SPIRE1: variants seen among roughly 807,000 people sequenced by gnomAD.
The protein encoded by SPIRE1 is protein spire homolog 1.
A neutral mutation model predicts 94.1 loss-of-function variants in SPIRE1; 40 were observed. The observed-to-expected ratio is 0.43, with a 90% CI of 0.33 to 0.55. SPIRE1 has a LOEUF of 0.55. Ranked by LOEUF, SPIRE1 falls within the 20% of genes least tolerant of loss-of-function variation. The pLI, the probability that SPIRE1 is intolerant of heterozygous loss-of-function variation, is 0.06. For synonymous variants in SPIRE1, 376 were observed against 371.7 expected (o/e 1.01, Z -0.13); for missense variants, 838 against 975.2 (o/e 0.86, Z 1.87).
At chr18:12,615,466 G>A (rs1309011655) in intron 2 of SPIRE1, among the ~76,000 whole-genome samples, 2 of 138,280 alleles carry the variant, frequency 1.4e-5, no homozygotes, top group East Asian at 2.2e-4. Context: ...CTTGAACCAG[G>A]GAGGTGGAGG....
intron 2 of SPIRE1, among the ~76,000 whole-genome samples, chr18:12,551,799 C>T (rs1205740382): frequency 1.3e-5 from 2 of 151,906 alleles, no homozygotes; most frequent in Non-Finnish European, 2.9e-5. Flanking sequence ...CCAAATTTAA[C>T]AACTATCACA....
At chr18:12,489,273 C>CA (rs1025492425) in intron 8 of SPIRE1, among the ~76,000 whole-genome samples, 9 of 152,140 alleles carry the variant, frequency 5.9e-5, no homozygotes, top group African/African-American at 2.2e-4. Flanking sequence ...ACTCACCATT[C>CA]AAAAAACCGT....
At chr18:12,630,682 T>C (rs2052597416) in intron 2 of SPIRE1, among the ~76,000 whole-genome samples, 1 of 152,038 alleles carries the variant, frequency 6.6e-6, no homozygotes, top group South Asian at 2.1e-4. Flanking sequence ...TTTTTGCAGC[T>C]ATCCACCCTC....
At chr18:12,463,626 G>GGAGA in intron 11 of SPIRE1, 133 bp from the exon 12 acceptor site, 1 of 732,064 alleles carries the variant, frequency 1.4e-6, no homozygotes, top group Non-Finnish European at 2.1e-6. Flanking sequence ...AGATGGTAAT[G>GGAGA]GTAATCCTTA....
intron 12 of SPIRE1, among the ~76,000 whole-genome samples, chr18:12,459,165 C>T (rs543826273): frequency 2.0e-5 from 3 of 152,142 alleles, no homozygotes; most frequent in Non-Finnish European, 4.4e-5. Flanking sequence ...TAATATAATG[C>T]AGAATTATTT....
rs369677829 is a variant in SPIRE1, at chr18:12,464,996, C to T, written c.1405-38G>A. 18 of 1,562,556 alleles carry T rather than the reference C, an allele frequency of 1.2e-5. No homozygotes were observed. The African/African-American group carries it at 1.4e-4, about 12-fold the overall frequency. On this transcript the variant is annotated intron_variant, in intron 10 of 16. Transcript: ENST00000409402. ...CAGGTGGAGAAATCGACTTCTTAGA[C>T]ATTTGTGCTCTAGTGCTACGTAATA...
intron 4 of SPIRE1, among the ~76,000 whole-genome samples, chr18:12,535,009 A>G (rs983684094): frequency 3.3e-5 from 5 of 152,222 alleles, no homozygotes; most frequent in Non-Finnish European, 7.3e-5. Flanking sequence ...AATCTTCACA[A>G]CCACCTATGT....
chr18:12,598,375 G>C (rs1384449616), intron 2 of SPIRE1, among the ~76,000 whole-genome samples: 1 of 151,876 alleles, frequency 6.6e-6, no homozygotes, highest in Non-Finnish European at 1.5e-5. Context: ...CTATACAGTA[G>C]AAAACTATAC....
intron 2 of SPIRE1, among the ~76,000 whole-genome samples, chr18:12,584,521 T>C (rs1392676307): frequency 6.6e-6 from 1 of 152,144 alleles, no homozygotes; most frequent in Non-Finnish European, 1.5e-5. Flanking sequence ...AACTTGCCTG[T>C]ACCAAATAAT....
chr18:12,501,098 A>AAAAAAAAAAAAAAAAAAAAAAAAAAAC, intron 6 of SPIRE1, among the ~76,000 whole-genome samples: 1 of 148,980 alleles, frequency 6.7e-6, no homozygotes, highest in Non-Finnish European at 1.5e-5. Flanking sequence ...AAAAAAAAGA[A>AAAAAAAAAAAAAAAAAAAAAAAAAAAC]AAAAAAAAAG....
At chr18:12,651,926 C>A (rs1266987037) in intron 1 of SPIRE1, among the ~76,000 whole-genome samples, 2 of 152,172 alleles carry the variant, frequency 1.3e-5, no homozygotes, top group Non-Finnish European at 2.9e-5. Context: ...TTGTTCCTTT[C>A]AGGAAAACCT....
At chr18:12,528,395 G>A (rs2034585574) in intron 4 of SPIRE1, among the ~76,000 whole-genome samples, 1 of 152,164 alleles carries the variant, frequency 6.6e-6, no homozygotes, top group South Asian at 2.1e-4. Flanking sequence ...GAATGACTTC[G>A]ATTGGAAAAA....
At chr18:12,605,349 A>C (rs1347822887) in intron 2 of SPIRE1, among the ~76,000 whole-genome samples, 1 of 151,806 alleles carries the variant, frequency 6.6e-6, no homozygotes, top group Non-Finnish European at 1.5e-5. Flanking sequence ...TACTAAAATA[A>C]AAAAAAATTA....
chr18:12,661,317 A>T, upstream of SPIRE1: 1 of 972,626 alleles, frequency 1.0e-6, no homozygotes, highest in Non-Finnish European at 1.2e-6. Flanking sequence ...TCAAAAAAGA[A>T]GAAAAAAAAT....
chr18:12,525,268 C>A (rs1192328373), intron 4 of SPIRE1, among the ~76,000 whole-genome samples: 20 of 109,482 alleles, frequency 1.8e-4, no homozygotes, highest in Non-Finnish European at 3.3e-4. Flanking sequence ...CAGAGTGAGA[C>A]TCCGTCTCAA....
At chr18:12,525,995 G>A (rs931733882) in intron 4 of SPIRE1, among the ~76,000 whole-genome samples, 1 of 148,712 alleles carries the variant, frequency 6.7e-6, no homozygotes, top group African/African-American at 2.5e-5. Context: ...AAGGTTTCCA[G>A]TAATACATGC....
chr18:12,574,663 C>G (rs1039260094), intron 2 of SPIRE1, among the ~76,000 whole-genome samples: 8 of 152,176 alleles, frequency 5.3e-5, no homozygotes, highest in African/African-American at 1.9e-4. Flanking sequence ...GTGGGATTCC[C>G]TGGCATGTCA....
intron 1 of SPIRE1, among the ~76,000 whole-genome samples, chr18:12,644,683 C>T (rs1457436081): frequency 2.0e-5 from 3 of 152,202 alleles, no homozygotes; most frequent in Non-Finnish European, 4.4e-5. Context: ...TGGACACCCA[C>T]ATTTCAAATT....
intron 3 of SPIRE1, among the ~76,000 whole-genome samples, chr18:12,545,739 C>T (rs190576827): frequency 6.6e-6 from 1 of 152,276 alleles, no homozygotes; most frequent in African/African-American, 2.4e-5. Flanking sequence ...CTAAAACAAT[C>T]AGCTGTGACA....
Sources: allele counts gnomAD v4.1 joint callset (sites outside exome capture counted in the v4.1 genomes callset), GRCh38; gene constraint gnomAD v4.1.1; transcripts MANE v1.5; gene names NCBI Gene and HGNC (gene_info 2026-07-23, HGNC 2026-07-21).